The following RBBP6 variants were observed in gnomAD, a reference collection of about 807,000 sequenced individuals.
The protein encoded by RBBP6 is RB binding protein 6, ubiquitin ligase.
In RBBP6, 25 loss-of-function variants were observed where a neutral mutation model predicts 167.7. That is an observed-to-expected ratio of 0.15 (90% CI 0.11 to 0.21). The LOEUF (loss-of-function observed/expected upper bound fraction) is 0.21. Among genes scored for constraint, RBBP6 ranks in the 10% least tolerant of loss-of-function variants. The pLI, the probability that RBBP6 is intolerant of heterozygous loss-of-function variation, is 1.00. For missense variants in RBBP6, 1,868 were observed against 2,134.2 expected, an observed-to-expected ratio of 0.88 and a Z score of 2.46; for synonymous variants, 789 against 735.8, an observed-to-expected ratio of 1.07 and a Z score of -1.17.
chr16:24,557,273 C>T (rs889608034), intron 7 of RBBP6, among the ~76,000 whole-genome samples: 5 of 152,124 alleles, frequency 3.3e-5, no homozygotes, highest in African/African-American at 1.2e-4. Flanking sequence ...TGAGCCACCA[C>T]GTCTGGCCCT....
In RBBP6 at chr16:24,553,566, A is replaced by G. The variant is rs748185950; in HGVS notation, c.348+9A>G. 12 of 1,555,460 alleles carry G rather than the reference A, an allele frequency of 7.7e-6. No homozygotes were observed. In the South Asian group the frequency reaches 1.1e-4, roughly 14 times the overall value. On this transcript the variant is annotated intron_variant, in intron 4 of 17. Coordinates refer to ENST00000319715, the MANE Select transcript of RBBP6 (RefSeq NM_006910.5). ...TGGCCCAGCTTACAAAGGTATATAT[A>G]TATATATATTCTTGAAAATATAAGT...
intron 6 of RBBP6, 54 bp downstream of exon 6, chr16:24,555,971 T>C (rs948635729): frequency 7.3e-5 from 104 of 1,433,658 alleles, no homozygotes; most frequent in Non-Finnish European, 1.0e-4. Context: ...TTTGGAATTG[T>C]TCCTTAGCTA....
chr16:24,558,129 TATG>T (rs1898962738), intron 7 of RBBP6, among the ~76,000 whole-genome samples: 1 of 152,202 alleles, frequency 6.6e-6, no homozygotes, highest in South Asian at 2.1e-4. Context: ...TCATCTATAT[TATG>T]TAAAATTTTT....
At chr16:24,570,760 T>G (rs984532909) in intron 17 of RBBP6, 116 bp from the exon 18 acceptor site, 7 of 983,796 alleles carry the variant, frequency 7.1e-6, no homozygotes, top group African/African-American at 3.4e-5. Flanking sequence ...AAGTTTTTTG[T>G]TTTTTTTAAT....
chr16:24,544,080 T>C (rs963334510), intron 1 of RBBP6, among the ~76,000 whole-genome samples: 2 of 152,222 alleles, frequency 1.3e-5, no homozygotes, highest in Non-Finnish European at 2.9e-5. Context: ...ACATCTGTTT[T>C]GAAGGGCATT....
intron 2 of RBBP6, among the ~76,000 whole-genome samples, chr16:24,548,320 T>TTG (rs922065661): frequency 1.3e-5 from 2 of 151,508 alleles, no homozygotes; most frequent in African/African-American, 4.9e-5. Flanking sequence ...TTGTTCAGTT[T>TTG]TTTTTTTTTT....
chr16:24,551,382 C>A (rs779120571), intron 3 of RBBP6, among the ~76,000 whole-genome samples: 15 of 151,728 alleles, frequency 9.9e-5, no homozygotes, highest in Non-Finnish European at 2.2e-4. Flanking sequence ...CATTTTTAAA[C>A]CATTCTTTGT....
intron 6 of RBBP6, 131 bp downstream of exon 6, chr16:24,556,048 A>G (rs1007141033): frequency 8.6e-6 from 8 of 928,206 alleles, no homozygotes; most frequent in South Asian, 5.1e-5. Context: ...TCTGGAGCCA[A>G]ATTTGCCAGG....
Position 24,561,667 on chromosome 16 carries a change from A to G in RBBP6, c.903A>G (p.Gln301=), listed in dbSNP as rs775517125. 1.8e-5 allele frequency: 29 copies of G among 1,614,040 alleles called. No homozygotes were observed. The East Asian group carries it at 5.6e-4, about 31-fold the overall frequency. The change falls in exon 9 of 18, where the codon CAA becomes CAG. Residue 301 remains glutamine (Q), a synonymous_variant. Transcript: ENST00000319715. ...SDEHTCPTCH[Q]NDVSPDALIA... ...AGCACACATGTCCGACGTGTCATCAAAATGATGTTTCTCCTGATGCTTTAA... is the reference window on the plus strand; with the variant it reads ...AGCACACATGTCCGACGTGTCATCAGAATGATGTTTCTCCTGATGCTTTAA...
rs1899212455 is a variant in RBBP6 at position 24,567,086 on chromosome 16, A to G, written c.1590-57A>G. 5 of 1,510,502 alleles carry G rather than the reference A, an allele frequency of 3.3e-6. No homozygotes were observed. In the South Asian group the frequency reaches 4.9e-5, roughly 15 times the overall value. The allele number at this position is 1,510,502 out of a possible 1,614,324, so 93.6% of individuals were successfully genotyped here. A position where few individuals can be genotyped will look rare whatever the true frequency, so the allele number is the denominator to read the frequency against. ...AATTATGGATAGAAGAGATAAGCTT[A>G]CTTGTCTCAGATGACTTTAGTTTGA... On this transcript the variant is annotated intron_variant, in intron 14 of 17. Transcript: ENST00000319715.
chr16:24,545,449 A>C (rs1218766883), intron 1 of RBBP6, among the ~76,000 whole-genome samples: 1 of 152,156 alleles, frequency 6.6e-6, no homozygotes, highest in African/African-American at 2.4e-5. Flanking sequence ...TTGCACTTCA[A>C]AACAAAATAT....
chr16:24,561,719 ACTGT>A lies in RBBP6; in HGVS notation c.951+9_951+12del, dbSNP rs773872304. The A allele has an allele frequency of 1.9e-5, 31 of 1,611,968 alleles. No individual in the cohort carries two copies. Among genetic ancestry groups the A allele is most frequent in the Middle Eastern group, 1.6e-4 (1 of 6,078 alleles). Reference sequence around the variant, plus strand: ...TGCCAATAAATTTTTACGACAGGTAACTGTCTGTATCCATTTTATGAAAAAATTC... The same window carrying A: ...TGCCAATAAATTTTTACGACAGGTAACTGTATCCATTTTATGAAAAAATTC... On this transcript the variant is annotated splice_donor_5th_base_variant and intron_variant, in intron 9 of 17. Transcript: ENST00000319715.
intron 7 of RBBP6, among the ~76,000 whole-genome samples, chr16:24,557,748 T>C (rs989053555): frequency 2.6e-5 from 4 of 152,226 alleles, no homozygotes; most frequent in Middle Eastern, 3.4e-3. Flanking sequence ...TACATACATA[T>C]ATAAGAACAG....
chr16:24,572,382 G>C lies in RBBP6; in HGVS notation c.5316G>C (p.Lys1772Asn). 1.9e-6 allele frequency: 3 copies of C among 1,548,408 alleles called. No homozygotes were observed. Among genetic ancestry groups the C allele is most frequent in the Non-Finnish European group, 2.6e-6 (3 of 1,146,130 alleles). ...KHKHKKKKSK[K>N]NKDKEKEKEK... is the part of the protein sequence containing the mutation. ...AACACAAGAAAAAGAAGTCAAAGAA[G>C]AACAAAGATAAAGAGAAGGAGAAGG... Residue 1772 changes from lysine to asparagine, a missense_variant, in exon 18 of 18, where the codon AAG (lysine) becomes AAC (asparagine). Coordinates refer to ENST00000319715, the MANE Select transcript of RBBP6 (RefSeq NM_006910.5).
In RBBP6 at chr16:24,546,256, A is replaced by G; in HGVS notation, c.260A>G (p.Tyr87Cys). The G allele has an allele frequency of 6.4e-7, 1 of 1,567,104 alleles. No homozygotes were observed. The highest frequency in any genetic ancestry group is 8.6e-7 in the Non-Finnish European group (1 of 1,165,794). Residue 87 changes from tyrosine to cysteine, a missense_variant, in exon 2 of 18, where the codon TAT becomes TGT. This residue lies in a region of RBBP6 where 184 missense variants were observed against 327.7 expected (regional missense o/e 0.56). Transcript: ENST00000319715. ...GGTGTTAAATCTACAAGCAAGACAT[A>G]TGTTATGTAAGTATCAAATCTCATG... is the stretch of plus-strand genomic sequence containing the variant. ...IGGVKSTSKT[Y>C]VISRTEPAMA... is the part of the protein sequence containing the mutation.
At chr16:24,555,260 TTA>T (rs1247303044) in intron 4 of RBBP6, 5 of 167,592 alleles carry the variant, frequency 3.0e-5, no homozygotes, top group African/African-American at 1.2e-4. Flanking sequence ...TAAGTATAAA[TTA>T]GTCTTAATGC....
At position 24,555,622 on chromosome 16, in the gene RBBP6, A is replaced by G. The variant is rs987725462; in HGVS notation, c.356A>G (p.Asn119Ser). The G allele has an allele frequency of 1.2e-6, 2 of 1,609,390 alleles. No homozygotes were observed. Among genetic ancestry groups the G allele is most frequent in the East Asian group, 2.2e-5 (1 of 44,868 alleles). Residue 119 changes from asparagine to serine, a missense_variant, in exon 5 of 18, where the codon AAT becomes AGT. Physicochemically the swap from Asn to Ser is conservative, Grantham distance 46. Around this residue, in one of 7 missense-constraint regions of RBBP6, gnomAD observed 184 missense variants for 327.7 expected, o/e 0.56. Transcript: ENST00000319715. ...TAATTACCTGTTAAACAGACTGCCA[A>G]TCTGGCTGAAGCCAATGCTTCTGAA... is the stretch of plus-strand genomic sequence containing the variant. ...ISLAQLTKTA[N>S]LAEANASEED...
rs182551851 is a variant in RBBP6 at position 24,564,881 on chromosome 16, A to G, written c.1589+16A>G. ...GCTGCTACAGGTAGGCATGCTAAAA[A>G]TCTTGGAAAATAATCATCTTATTTT... On this transcript the variant is annotated intron_variant, in intron 14 of 17. Transcript: ENST00000319715. 1.5e-3 allele frequency: 2,386 copies of G among 1,604,626 alleles called. 33 individuals are homozygous for G. In the African/African-American group the frequency reaches 0.027, roughly 18 times the overall value.
intron 1 of RBBP6, among the ~76,000 whole-genome samples, chr16:24,545,524 C>T (rs907696967): frequency 6.6e-6 from 1 of 152,074 alleles, no homozygotes; most frequent in African/African-American, 2.4e-5. Context: ...CTCTTCAAGC[C>T]GTTTCGTATC....
Sources: allele counts gnomAD v4.1 joint callset (sites outside exome capture counted in the v4.1 genomes callset), GRCh38; gene constraint gnomAD v4.1.1; regional missense constraint gnomAD v4.1.1; transcripts MANE v1.5; gene names NCBI Gene and HGNC (gene_info 2026-07-23, HGNC 2026-07-21).